The following CHRNA7 variants were observed in gnomAD, a reference collection of about 807,000 sequenced individuals.
CHRNA7 encodes cholinergic receptor nicotinic alpha 7 subunit, also known as neuronal acetylcholine receptor subunit alpha-7.
Under a neutral mutation model 48.0 loss-of-function variants are expected in CHRNA7, and 17 were observed. The ratio of observed to expected loss-of-function variants is 0.35; its 90% CI spans 0.24 to 0.53. CHRNA7 has a LOEUF of 0.53. Ranked by LOEUF, CHRNA7 falls within the 20% of genes least tolerant of loss-of-function variation. The pLI is 0.92. For synonymous variants in CHRNA7, 75 were observed against 242.3 expected (o/e 0.31, Z 6.41); for missense variants, 155 against 577.7 (o/e 0.27, Z 7.50).
At chr15:32,148,002 C>T (rs973187802) in intron 4 of CHRNA7, among the ~76,000 whole-genome samples, 3 of 152,176 alleles carry the variant, frequency 2.0e-5, no homozygotes, top group Non-Finnish European at 4.4e-5. Context: ...GATAGATGAG[C>T]ATCATCCTTC....
intron 4 of CHRNA7, among the ~76,000 whole-genome samples, chr15:32,128,685 T>C (rs989332683): frequency 3.3e-5 from 5 of 151,854 alleles, no homozygotes; most frequent in African/African-American, 1.2e-4. Flanking sequence ...CTTTGGATTT[T>C]CCACATAGAC....
At chr15:32,057,450 G>T (rs1349412443) in intron 2 of CHRNA7, among the ~76,000 whole-genome samples, 1 of 152,104 alleles carries the variant, frequency 6.6e-6, no homozygotes, top group Non-Finnish European at 1.5e-5. Flanking sequence ...TGATTTTAAG[G>T]ATAGGCTGTA....
At chr15:32,074,432 G>A (rs2050104697) in intron 2 of CHRNA7, among the ~76,000 whole-genome samples, 1 of 149,270 alleles carries the variant, frequency 6.7e-6, no homozygotes, top group Admixed American at 6.6e-5. Context: ...GAGAGCAAAC[G>A]TCTTTGCCTT....
At chr15:32,080,872 A>G (rs1025731396) in intron 2 of CHRNA7, among the ~76,000 whole-genome samples, 1 of 152,232 alleles carries the variant, frequency 6.6e-6, no homozygotes, top group African/African-American at 2.4e-5. Context: ...TATTCACAAT[A>G]GCAAAGACAT....
chr15:32,054,386 ACT>A (rs1491326303), intron 2 of CHRNA7, among the ~76,000 whole-genome samples: 1 of 131,420 alleles, frequency 7.6e-6, no homozygotes, highest in Non-Finnish European at 1.6e-5. Context: ...CCTTTAACAC[ACT>A]GTGTTAAAGG....
At chr15:32,064,327 C>T (rs1410628799) in intron 2 of CHRNA7, among the ~76,000 whole-genome samples, 1 of 151,944 alleles carries the variant, frequency 6.6e-6, no homozygotes, top group Non-Finnish European at 1.5e-5. Flanking sequence ...GATCCTTCTA[C>T]TTCTTGCTTT....
chr15:32,132,598 TGAA>T (rs1467717195), intron 4 of CHRNA7, among the ~76,000 whole-genome samples: 2 of 152,160 alleles, frequency 1.3e-5, no homozygotes, highest in Non-Finnish European at 2.9e-5. Flanking sequence ...TTTGGTTCCC[TGAA>T]GAGAACTCTC....
chr15:32,148,188 C>T (rs1178677131), intron 4 of CHRNA7, among the ~76,000 whole-genome samples: 1 of 152,158 alleles, frequency 6.6e-6, no homozygotes, highest in African/African-American at 2.4e-5. Flanking sequence ...GACAGAGTGC[C>T]TGGATTTCTT....
intron 4 of CHRNA7, among the ~76,000 whole-genome samples, chr15:32,142,790 C>G (rs1352098944): frequency 6.6e-6 from 1 of 151,964 alleles, no homozygotes; most frequent in Non-Finnish European, 1.5e-5. Flanking sequence ...TTTATTGCGT[C>G]TATTTGATTT....
intron 2 of CHRNA7, among the ~76,000 whole-genome samples, chr15:32,075,429 A>C (rs907661574): frequency 6.6e-6 from 1 of 152,126 alleles, no homozygotes; most frequent in African/African-American, 2.4e-5. Context: ...AGTTGTAATC[A>C]TTTGTCTTTT....
intron 4 of CHRNA7, among the ~76,000 whole-genome samples, chr15:32,123,539 G>T (rs2051010982): frequency 6.6e-6 from 1 of 152,168 alleles, no homozygotes; most frequent in East Asian, 1.9e-4. Flanking sequence ...GATAGGGAAA[G>T]AAGCTTTTTC....
At chr15:32,052,943 A>G (rs1003153693) in intron 2 of CHRNA7, among the ~76,000 whole-genome samples, 8 of 152,204 alleles carry the variant, frequency 5.3e-5, no homozygotes, top group African/African-American at 1.9e-4. Context: ...TACTGATTTC[A>G]TCATTACACA....
At chr15:32,142,539 G>T (rs547976979) in intron 4 of CHRNA7, among the ~76,000 whole-genome samples, 2 of 152,208 alleles carry the variant, frequency 1.3e-5, no homozygotes, top group African/African-American at 2.4e-5. Flanking sequence ...CTGTGAATTT[G>T]TCTGGTCCTG....
chr15:32,071,433 A>G (rs1311509804), intron 2 of CHRNA7, among the ~76,000 whole-genome samples: 1 of 152,122 alleles, frequency 6.6e-6, no homozygotes, highest in Non-Finnish European at 1.5e-5. Context: ...GATTCCTGTC[A>G]TTGGTGTTTG....
At chr15:32,040,594 G>A (rs1269478919) in intron 2 of CHRNA7, among the ~76,000 whole-genome samples, 2 of 94,052 alleles carry the variant, frequency 2.1e-5, no homozygotes, top group Non-Finnish European at 3.0e-5. Context: ...GTGTGTGTGT[G>A]TATATGTGTG....
At chr15:32,114,065 TATATATATATAC>T (rs2050821119) in intron 4 of CHRNA7, among the ~76,000 whole-genome samples, 1 of 133,608 alleles carries the variant, frequency 7.5e-6, no homozygotes, top group Non-Finnish European at 1.6e-5. Context: ...TATATACATA[TATATATATATAC>T]ACATACATAC....
chr15:32,131,828 A>T (rs2051162100), intron 4 of CHRNA7, among the ~76,000 whole-genome samples: 1 of 152,076 alleles, frequency 6.6e-6, no homozygotes, highest in South Asian at 2.1e-4. Context: ...CTCCTCTGAC[A>T]CTGTGCTAGC....
At chr15:32,040,203 T>TA (rs532698325) in intron 2 of CHRNA7, among the ~76,000 whole-genome samples, 47 of 152,206 alleles carry the variant, frequency 3.1e-4, no homozygotes, top group African/African-American at 1.0e-3. Context: ...GTTCTACTCT[T>TA]ACAGTCTCTT....
intron 2 of CHRNA7, among the ~76,000 whole-genome samples, chr15:32,053,521 G>T (rs1399545931): frequency 6.6e-6 from 1 of 152,090 alleles, no homozygotes; most frequent in Non-Finnish European, 1.5e-5. Context: ...AAAAAGTATT[G>T]TAAAATAGTA....
Sources: allele counts gnomAD v4.1 joint callset (sites outside exome capture counted in the v4.1 genomes callset), GRCh38; gene constraint gnomAD v4.1.1; transcripts MANE v1.5; gene names NCBI Gene and HGNC (gene_info 2026-07-23, HGNC 2026-07-21).